Variants in TTC14 observed in about 807,000 individuals in gnomAD.
TTC14 encodes the protein tetratricopeptide repeat protein 14.
TTC14 carries 63 observed loss-of-function variants against 79.9 expected under a neutral mutation model. The ratio of observed to expected loss-of-function variants is 0.79; its 90% CI spans 0.64 to 0.97. The LOEUF is 0.97. TTC14 is among the 50% of genes least tolerant of loss of function. TTC14 has a pLI of 0.00. For synonymous variants in TTC14, 335 were observed against 309.6 expected (o/e 1.08, Z -0.86); for missense variants, 895 against 894.0 (o/e 1.00, Z -0.01).
intron 12 of TTC14, chr3:180,616,168 C>T (rs1394925734): frequency 1.2e-6 from 1 of 810,168 alleles, no homozygotes; most frequent in East Asian, 2.6e-5. Flanking sequence ...GAAAAGAACA[C>T]TGGCAGTGAG....
chr3:180,616,382 G>A, intron 12 of TTC14: 1 of 1,596,586 alleles, frequency 6.3e-7, no homozygotes. Flanking sequence ...ATATTCAATA[G>A]CAATCATTAG....
chr3:180,606,532 A>C lies in TTC14; in HGVS notation c.1101A>C (p.Ala367=), dbSNP rs759679912. Residue 367 remains alanine, a synonymous_variant, in exon 9 of 12, where the codon GCA becomes GCC. Coordinates refer to ENST00000296015, the MANE Select transcript of TTC14 (RefSeq NM_133462.4). ...LNKAIEDFEL[A]LENCPTHRNA... is the part of the protein sequence containing the mutation. ...AAGCAATAGAAGATTTTGAGCTTGCATTAGAAAACTGTCCAACTCACAGAA... is the reference window on the plus strand; with the variant it reads ...AAGCAATAGAAGATTTTGAGCTTGCCTTAGAAAACTGTCCAACTCACAGAA... 2.5e-6 allele frequency: 4 copies of C among 1,613,934 alleles called. No individual in the cohort carries two copies. The Admixed American group carries it at 6.7e-5, about 27-fold the overall frequency.
At position 180,603,135 on chromosome 3, in the gene TTC14, A is replaced by G. The variant is rs763991670; in HGVS notation, c.298A>G (p.Ile100Val). 2.0e-5 allele frequency: 32 copies of G among 1,613,468 alleles called. 1 individual carries two copies. In the South Asian group the frequency reaches 2.5e-4, roughly 13 times the overall value. The change falls in exon 3 of 12, where the codon ATC becomes GTC. Residue 100 changes from isoleucine to valine, a missense_variant. Physicochemically the swap from Ile to Val is conservative, Grantham distance 29. Transcript: ENST00000296015. ...TTTTTTTTTTTTAGATCATTATGCA[A>G]TCATGCCACCTTTAGAGCAATTCAT... ...INEDSEDHYA[I>V]MPPLEQFMEI...
rs908529845 is a variant in TTC14 at position 180,609,661 on chromosome 3, T to C, written c.1432T>C (p.Ser478Pro). The C allele has an allele frequency of 6.3e-7, 1 of 1,575,684 alleles. No homozygotes were observed. Among genetic ancestry groups the C allele is most frequent in the Non-Finnish European group, 8.6e-7 (1 of 1,167,192 alleles). The change falls in exon 12 of 12, where the codon TCT becomes CCT. Residue 478 changes from serine (S) to proline (P), a missense_variant. Physicochemically the swap from Ser to Pro is moderately conservative, Grantham distance 74. Transcript: ENST00000296015. ...LKKKRRKSTS[S>P]SSVSSADESV... ...GAAGAAAAGAAGAAAATCAACTTCT[T>C]CTTCAAGTGTTTCTTCTGCTGATGA...
chr3:180,605,643 A>C (rs1328715624), intron 6 of TTC14, 123 bp from the exon 7 acceptor site: 2 of 649,640 alleles, frequency 3.1e-6, no homozygotes, highest in Non-Finnish European at 5.1e-6. Context: ...GTATGTAAAT[A>C]GAATGCAGAT....
rs1198659104 is a variant in TTC14, at chr3:180,607,676, G to A, written c.1201G>A (p.Ala401Thr). 1.2e-6 allele frequency: 2 copies of A among 1,605,368 alleles called. No homozygotes were observed. The highest frequency in any genetic ancestry group is 1.1e-5 in the South Asian group (1 of 88,790). ...QLEEEEKFLN[A>T]ESYYKKALAL... ...AGAAGAAGAAGAAAAGTTTTTAAAT[G>A]CTGAAAGTTACTATAAGAAAGCTTT... Residue 401 changes from alanine to threonine, a missense_variant, in exon 10 of 12, where the codon GCT becomes ACT. Ala to Thr is a moderately conservative substitution (Grantham distance 58). Coordinates refer to ENST00000296015, the MANE Select transcript of TTC14 (RefSeq NM_133462.4).
At chr3:180,603,358 T>G (rs1221432076) in intron 3 of TTC14, 35 bp downstream of exon 3, 2 of 1,562,436 alleles carry the variant, frequency 1.3e-6, no homozygotes, top group Non-Finnish European at 8.8e-7. Context: ...TGCTTCTGTT[T>G]TTGTTAACGC....
downstream of TTC14, among the ~76,000 whole-genome samples, chr3:180,616,082 C>G (rs915613802): frequency 3.7e-4 from 56 of 152,294 alleles, no homozygotes; most frequent in African/African-American, 1.3e-3. Context: ...CAGCAGAAGT[C>G]AGAAGGAAAT....
downstream of TTC14, among the ~76,000 whole-genome samples, chr3:180,618,009 A>T (rs1025350244): frequency 6.6e-6 from 1 of 151,984 alleles, no homozygotes; most frequent in African/African-American, 2.4e-5. Flanking sequence ...CCATATTTTT[A>T]TTGTACCTTT....
chr3:180,616,347 G>A (rs1373867462), intron 12 of TTC14: 5 of 1,612,638 alleles, frequency 3.1e-6, no homozygotes, highest in Non-Finnish European at 4.2e-6. Flanking sequence ...GCTAGCTGTA[G>A]GTAGTTCTAA....
chr3:180,604,691 T>A, intron 5 of TTC14, 84 bp downstream of exon 5: 1 of 1,483,344 alleles, frequency 6.7e-7, no homozygotes, highest in Non-Finnish European at 9.1e-7. Context: ...AACGGTTAAA[T>A]TACTTCAGAC....
At chr3:180,616,764 A>G in intron 12 of TTC14, 1 of 1,582,866 alleles carries the variant, frequency 6.3e-7, no homozygotes, top group Non-Finnish European at 8.6e-7. Context: ...TAATAGATGA[A>G]GGAGGATTTG....
At position 180,617,248 on chromosome 3, in the gene TTC14, C is replaced by T. The variant is rs148406139; in HGVS notation, c.1775-132C>T. ...AGTTTGTGGTGATGGCTGGTGTAAA[C>T]AAACCTGCATTGCCAGTCATATAAA... On this transcript the variant is annotated intron_variant, in intron 12 of 12. Coordinates refer to the TTC14 transcript ENST00000382584. The T allele has an allele frequency of 1.4e-3, 660 of 473,844 alleles. 7 individuals carry two copies. The highest frequency in any genetic ancestry group is 0.012 in the African/African-American group (595 of 50,030). The allele number at this position is 473,844 out of a possible 1,614,324, so 29.4% of individuals were successfully genotyped here.
intron 10 of TTC14, chr3:180,608,491 T>C: frequency 1.8e-6 from 2 of 1,103,600 alleles, no homozygotes; most frequent in South Asian, 3.4e-5. Context: ...AATATGGTCC[T>C]CAATGCTGTT....
At chr3:180,602,867 C>T in intron 1 of TTC14, 24 bp from the exon 2 acceptor site, 1 of 1,591,606 alleles carries the variant, frequency 6.3e-7, no homozygotes, top group East Asian at 2.2e-5. Context: ...ACCCAATTTT[C>T]ATATATATTT....
intron 6 of TTC14, 71 bp downstream of exon 6, chr3:180,605,078 A>C: frequency 6.7e-7 from 1 of 1,495,526 alleles, no homozygotes; most frequent in Admixed American, 2.2e-5. Context: ...CGTTTAGCTG[A>C]AGGACGTATT....
In TTC14 at chr3:180,610,192, A is replaced by G. The variant is rs1716915394; in HGVS notation, c.1963A>G (p.Lys655Glu). 1.1e-5 allele frequency: 18 copies of G among 1,613,822 alleles called. No homozygotes were observed. The highest frequency in any genetic ancestry group is 1.4e-5 in the Non-Finnish European group (17 of 1,179,924). Reference protein sequence around the residue: ...RRFEKDIEGRKEHYRRWEPGS... With the variant: ...RRFEKDIEGREEHYRRWEPGS... ...ATTTGAAAAGGATATAGAGGGAAGA[A>G]AAGAGCACTATAGAAGGTGGGAACC... The change falls in exon 12 of 12, where the codon AAA becomes GAA. Residue 655 changes from lysine to glutamate, a missense_variant. Transcript: ENST00000296015.
chr3:180,602,368 G>T lies in TTC14; in HGVS notation c.107G>T (p.Gly36Val), dbSNP rs569199566. 2.4e-5 allele frequency: 38 copies of T among 1,611,516 alleles called. No homozygotes were observed. The East Asian group carries it at 6.5e-4, about 27-fold the overall frequency. ...QDNPHFRSLL[G>V]SAAEPARGPP... ...AATCCACACTTCCGTAGCCTCCTGG[G>T]GTCGGCCGCCGAGCCAGCCCGGGGC... is the stretch of plus-strand genomic sequence containing the variant. The change falls in exon 1 of 12, where the codon GGG becomes GTG. Residue 36 changes from glycine to valine, a missense_variant. Transcript: ENST00000296015.
intron 9 of TTC14, 50 bp from the exon 10 acceptor site, chr3:180,607,598 G>T: frequency 6.4e-7 from 1 of 1,567,850 alleles, no homozygotes; most frequent in Non-Finnish European, 8.6e-7. Context: ...TGCATATTTG[G>T]ATAGTTTTGT....
Sources: allele counts gnomAD v4.1 joint callset (sites outside exome capture counted in the v4.1 genomes callset), GRCh38; gene constraint gnomAD v4.1.1; transcripts MANE v1.5; gene names NCBI Gene and HGNC (gene_info 2026-07-23, HGNC 2026-07-21).